B3GLCT: variants seen among roughly 807,000 people sequenced by gnomAD.
B3GLCT encodes the protein beta-1,3-glucosyltransferase.
A neutral mutation model predicts 63.4 loss-of-function variants in B3GLCT; 65 were observed. That is an observed-to-expected ratio of 1.03 (90% CI 0.84 to 1.26). The LOEUF (loss-of-function observed/expected upper bound fraction) is 1.26. Among genes scored for constraint, B3GLCT ranks in the 50% most tolerant of loss-of-function variants. B3GLCT has a pLI of 0.00. For synonymous variants in B3GLCT, 233 were observed against 219.2 expected (o/e 1.06, Z -0.55); for missense variants, 577 against 604.8 (o/e 0.95, Z 0.48).
At chr13:31,223,025 A>G (rs773883651) in intron 3 of B3GLCT, 34 bp downstream of exon 3, 3 of 1,278,600 alleles carry the variant, frequency 2.3e-6, no homozygotes, top group African/African-American at 2.9e-5. Context: ...AAGAGTGTGT[A>G]CTTAGGTATA....
chr13:31,276,140 A>G (rs568936087), intron 9 of B3GLCT, among the ~76,000 whole-genome samples: 1 of 152,218 alleles, frequency 6.6e-6, no homozygotes, highest in Admixed American at 6.5e-5. Context: ...CATCTCCACC[A>G]GGTGTTTCAA....
rs1467735120 is a variant in B3GLCT at position 31,331,899 on chromosome 13, AGGGAT to A, written c.*2232_*2236del. 6.6e-6 allele frequency: 1 copy of A among 152,210 alleles called. No individual in the cohort carries two copies. Among genetic ancestry groups the A allele is most frequent in the Non-Finnish European group, 1.5e-5 (1 of 68,020 alleles). The allele number at this position is 152,210 out of a possible 1,614,324, so 9.4% of individuals were successfully genotyped here. On this transcript the variant is annotated 3_prime_UTR_variant, in exon 15 of 15. Transcript: ENST00000343307. ...TTTTTAGGCTAGGGATGTTAACATCAGGGATTTGTGTGTGGAATAACTGGAATGTC... is the reference window on the plus strand; with the variant it reads ...TTTTTAGGCTAGGGATGTTAACATCATTGTGTGTGGAATAACTGGAATGTC...
chr13:31,331,877 T>TAA lies in B3GLCT; in HGVS notation c.*2209_*2210insAA, dbSNP rs1418478782. ...GGGCTTTCCTTCCAAATGGCTATTT[T>TAA]TAGGCTAGGGATGTTAACATCAGGG... On this transcript the variant is annotated 3_prime_UTR_variant, in exon 15 of 15. Transcript: ENST00000343307. The TAA allele has an allele frequency of 6.6e-6, 1 of 152,214 alleles. No individual in the cohort carries two copies. Among genetic ancestry groups the TAA allele is most frequent in the Non-Finnish European group, 1.5e-5 (1 of 68,032 alleles). The allele number at this position is 152,214 out of a possible 1,614,324, so 9.4% of individuals were successfully genotyped here. A position where few individuals can be genotyped will look rare whatever the true frequency, so the allele number is the denominator to read the frequency against.
chr13:31,200,042 C>A lies in B3GLCT; in HGVS notation c.-43C>A. The A allele has an allele frequency of 7.8e-7, 1 of 1,288,404 alleles. No homozygotes were observed. The highest frequency in any genetic ancestry group is 1.0e-6 in the Non-Finnish European group (1 of 999,778). 79.8% of individuals were successfully genotyped at this position (1,288,404 alleles called of 1,614,324 possible). A position where few individuals can be genotyped will look rare whatever the true frequency, so the allele number is the denominator to read the frequency against. Reference sequence around the variant, plus strand: ...CGCAGCTCCGCTCCCCGCGCGTCTCCCTTCCCCGCGCCCAGGTAGGGCGCT... The same window carrying A: ...CGCAGCTCCGCTCCCCGCGCGTCTCACTTCCCCGCGCCCAGGTAGGGCGCT... On this transcript the variant is annotated 5_prime_UTR_variant, in exon 1 of 15. Coordinates refer to ENST00000343307, the MANE Select transcript of B3GLCT (RefSeq NM_194318.4).
At chr13:31,267,900 G>A (rs893701883) in intron 7 of B3GLCT, among the ~76,000 whole-genome samples, 2 of 150,992 alleles carry the variant, frequency 1.3e-5, no homozygotes, top group Admixed American at 6.6e-5. Context: ...TCAGGCTGGA[G>A]TGTGATCATA....
intron 1 of B3GLCT, among the ~76,000 whole-genome samples, chr13:31,203,513 C>T (rs1487211945): frequency 1.3e-5 from 2 of 151,998 alleles, no homozygotes; most frequent in South Asian, 2.1e-4. Flanking sequence ...ATTGTGGGCT[C>T]GGTATTTGAG....
At chr13:31,310,720 T>C (rs956817572) in intron 12 of B3GLCT, among the ~76,000 whole-genome samples, 1 of 152,218 alleles carries the variant, frequency 6.6e-6, no homozygotes, top group Admixed American at 6.5e-5. Flanking sequence ...AGGAACAAGC[T>C]GTGATGCTTC....
chr13:31,200,632 C>G (rs1461788274), intron 1 of B3GLCT, among the ~76,000 whole-genome samples: 1 of 151,734 alleles, frequency 6.6e-6, no homozygotes, highest in Non-Finnish European at 1.5e-5. Flanking sequence ...GGACGGGAGC[C>G]GGCGAGGCGG....
intron 1 of B3GLCT, among the ~76,000 whole-genome samples, chr13:31,200,631 C>A (rs916584038): frequency 9.9e-5 from 15 of 151,746 alleles, no homozygotes; most frequent in African/African-American, 2.2e-4. Flanking sequence ...TGGACGGGAG[C>A]CGGCGAGGCG....
intron 12 of B3GLCT, among the ~76,000 whole-genome samples, chr13:31,292,910 A>G (rs1873752860): frequency 6.6e-6 from 1 of 151,980 alleles, no homozygotes. Context: ...TAGGATGTTA[A>G]TTTTAGATCT....
At chr13:31,254,559 T>C (rs1055930961) in intron 6 of B3GLCT, among the ~76,000 whole-genome samples, 2 of 152,210 alleles carry the variant, frequency 1.3e-5, no homozygotes, top group Non-Finnish European at 2.9e-5. Context: ...AATATCATAC[T>C]GAATGGGCAA....
Position 31,212,267 on chromosome 13 carries a change from CTTTTTTTT to C in B3GLCT, c.71-2766_71-2759del, listed in dbSNP as rs59719685. Among the ~76,000 whole-genome samples, 119 of 91,648 alleles carry C rather than the reference CTTTTTTTT, an allele frequency of 1.3e-3. 2 individuals are homozygous for C. The highest frequency in any genetic ancestry group is 5.0e-3 in the African/African-American group (107 of 21,326). The allele number at this position is 91,648 out of a possible 152,430, so 60.1% of individuals were successfully genotyped here. A position where few individuals can be genotyped will look rare whatever the true frequency, so the allele number is the denominator to read the frequency against. ...GACAGGCATGCTCTAGCATAACTGG[CTTTTTTTT>C]TTTTTTTTTTTTTTTTTAAGACGGA... On this transcript the variant is annotated intron_variant, in intron 1 of 14. Transcript: ENST00000343307.
chr13:31,328,565 T>A (rs558580312), intron 14 of B3GLCT, among the ~76,000 whole-genome samples: 5 of 151,862 alleles, frequency 3.3e-5, no homozygotes, highest in African/African-American at 9.7e-5. Flanking sequence ...TGGTAGTGCA[T>A]GCCTGTAATC....
chr13:31,274,407 C>G (rs1872690634), intron 8 of B3GLCT, 102 bp from the exon 9 acceptor site: 5 of 1,469,162 alleles, frequency 3.4e-6, no homozygotes, highest in South Asian at 2.3e-5. Context: ...AGCCTACTCT[C>G]TATGGAAGAT....
chr13:31,248,215 A>G (rs992976373), intron 6 of B3GLCT, among the ~76,000 whole-genome samples: 38 of 152,260 alleles, frequency 2.5e-4, no homozygotes, highest in African/African-American at 8.4e-4. Flanking sequence ...TAGCAATTTC[A>G]GAGAGTTGGA....
chr13:31,245,941 T>C (rs1871178783), intron 4 of B3GLCT, among the ~76,000 whole-genome samples: 1 of 152,166 alleles, frequency 6.6e-6, no homozygotes, highest in Non-Finnish European at 1.5e-5. Context: ...GTGATTACTG[T>C]TTTTTGCATT....
chr13:31,284,649 A>T lies in B3GLCT; in HGVS notation c.852A>T (p.Ile284=). 1 of 1,565,628 alleles carries T rather than the reference A, an allele frequency of 6.4e-7. No homozygotes were observed. The highest frequency in any genetic ancestry group is 1.1e-5 in the South Asian group (1 of 90,098). The change falls in exon 11 of 15, where the codon ATA becomes ATT. Residue 284 remains isoleucine, a splice_region_variant and synonymous_variant. Transcript: ENST00000343307. The part of the protein sequence containing the change: ...KTCKKFHGDR[I]PIVKQTWESQ... ...TTGTCACCTCTGTAATTTTTTCAGT[A>T]CCTATTGTTAAGCAGACTTGGGAGA...
chr13:31,263,279 A>G (rs1343981521), intron 7 of B3GLCT, among the ~76,000 whole-genome samples: 1 of 152,168 alleles, frequency 6.6e-6, no homozygotes, highest in African/African-American at 2.4e-5. Context: ...GCTGAATTCA[A>G]TTCCGTTTTT....
intron 12 of B3GLCT, among the ~76,000 whole-genome samples, chr13:31,308,361 C>T: frequency 1.5e-5 from 1 of 65,626 alleles, no homozygotes; most frequent in Non-Finnish European, 2.9e-5. Flanking sequence ...AAAAAAAAAA[C>T]AAAAAAAAAA....
Sources: gnomAD v4.1 joint callset for allele counts (sites outside exome capture counted in the v4.1 genomes callset) on GRCh38, gnomAD v4.1.1 for gene constraint, MANE v1.5 for transcripts, NCBI Gene and HGNC (gene_info 2026-07-23, HGNC 2026-07-21) for gene names.